PPM1L: variants seen among roughly 807,000 people sequenced by gnomAD.
The protein encoded by PPM1L is protein phosphatase 1L.
In PPM1L, 13 loss-of-function variants were observed where a neutral mutation model predicts 31.4. The ratio of observed to expected loss-of-function variants is 0.41; its 90% CI spans 0.27 to 0.66. PPM1L has a LOEUF of 0.66. PPM1L is among the 30% of genes least tolerant of loss of function. PPM1L has a pLI of 0.29. For synonymous variants in PPM1L, 184 were observed against 175.4 expected (o/e 1.05, Z -0.39); for missense variants, 326 against 453.7 (o/e 0.72, Z 2.56).
At chr3:160,903,193 G>GTGTGTGTGTGTGTGTGTGT (rs1553819620) in intron 1 of PPM1L, among the ~76,000 whole-genome samples, 1 of 124,108 alleles carries the variant, frequency 8.1e-6, no homozygotes, top group Non-Finnish European at 1.8e-5. Flanking sequence ...GTGTGTGTGT[G>GTGTGTGTGTGTGTGTGTGT]GTATGTGTGT....
Position 160,756,671 on chromosome 3 carries a change from G to C in PPM1L, c.363G>C (p.Pro121=), listed in dbSNP as rs775555696. The change falls in exon 1 of 4, where the codon CCG becomes CCC. Residue 121 remains proline (P), a synonymous_variant. Transcript: ENST00000498165. This position sits in a 1 kb window ranked among gnomAD's most constrained non-coding sequence, Gnocchi z 6.2. ...VLTDLANKTH[P]SIFGIFDGHG... ...CGGATCTGGCCAACAAGACGCACCC[G>C]TCCATCTTCGGGATCTTCGACGGGC... The C allele has an allele frequency of 1.9e-6, 3 of 1,613,962 alleles. No homozygotes were observed. Among genetic ancestry groups the C allele is most frequent in the Non-Finnish European group, 2.5e-6 (3 of 1,180,010 alleles).
intron 1 of PPM1L, among the ~76,000 whole-genome samples, chr3:160,831,912 G>A (rs990334365): frequency 6.6e-6 from 1 of 152,188 alleles, no homozygotes; most frequent in Non-Finnish European, 1.5e-5. Context: ...GAGGAATGGT[G>A]CTAGAGCAGG....
At chr3:160,761,566 A>G (rs999022313) in intron 1 of PPM1L, among the ~76,000 whole-genome samples, 3 of 152,140 alleles carry the variant, frequency 2.0e-5, no homozygotes, top group Non-Finnish European at 4.4e-5. Context: ...CGCCTGACCT[A>G]CCTCTAGCAA....
chr3:160,995,179 G>A (rs1464837940), intron 2 of PPM1L, among the ~76,000 whole-genome samples: 1 of 152,118 alleles, frequency 6.6e-6, no homozygotes, highest in Non-Finnish European at 1.5e-5. Context: ...TCTTTGAAGT[G>A]GCTTAGGGAA....
At chr3:161,055,502 G>A (rs1455649307) in intron 2 of PPM1L, among the ~76,000 whole-genome samples, 3 of 152,040 alleles carry the variant, frequency 2.0e-5, no homozygotes, top group Non-Finnish European at 4.4e-5. Context: ...TGTAATTTCT[G>A]TCCGTTATCA....
chr3:160,940,981 A>G (rs1410330552), intron 1 of PPM1L, among the ~76,000 whole-genome samples: 1 of 152,200 alleles, frequency 6.6e-6, no homozygotes, highest in East Asian at 1.9e-4. Flanking sequence ...GGAGCTGCCT[A>G]AGACCATGGG....
intron 2 of PPM1L, among the ~76,000 whole-genome samples, chr3:160,998,956 A>AAAAAG (rs1319469772): frequency 2.0e-5 from 3 of 152,206 alleles, no homozygotes; most frequent in African/African-American, 7.2e-5. Context: ...TCTTAAACAA[A>AAAAAG]AAAAGAAAAG....
At chr3:160,999,924 A>T (rs1242492260) in intron 2 of PPM1L, among the ~76,000 whole-genome samples, 1 of 152,214 alleles carries the variant, frequency 6.6e-6, no homozygotes, top group Non-Finnish European at 1.5e-5. Context: ...TGTGGCGGTT[A>T]TTACGGCTGA....
At chr3:160,799,752 C>CT (rs1228271857) in intron 1 of PPM1L, among the ~76,000 whole-genome samples, 3 of 152,174 alleles carry the variant, frequency 2.0e-5, no homozygotes, top group African/African-American at 7.2e-5. Flanking sequence ...CTTTGGGTCT[C>CT]TACCTGTATG....
At position 160,992,698 on chromosome 3, in the gene PPM1L, A is replaced by G. The variant is rs549536941; in HGVS notation, c.574+30788A>G. 6.2e-4 allele frequency among the ~76,000 whole-genome samples: 95 copies of G among 152,316 alleles called. No homozygotes were observed. In the South Asian group the frequency reaches 0.018, roughly 30 times the overall value. On this transcript the variant is annotated intron_variant, in intron 2 of 3. Coordinates refer to ENST00000498165, the MANE Select transcript of PPM1L (RefSeq NM_139245.4). ...CATAGAAGATGTTCACAGTTTACCAATACAGGGAAAGAAAGGAAGAGACCC... is the reference window on the plus strand; with the variant it reads ...CATAGAAGATGTTCACAGTTTACCAGTACAGGGAAAGAAAGGAAGAGACCC...
intron 1 of PPM1L, chr3:160,939,635 T>C: frequency 6.4e-6 from 1 of 157,120 alleles, no homozygotes; most frequent in Non-Finnish European, 1.4e-5. Context: ...TACTTTTTCC[T>C]CATTTTTCTC....
intron 2 of PPM1L, among the ~76,000 whole-genome samples, chr3:160,977,604 A>G (rs534512777): frequency 7.2e-5 from 11 of 152,306 alleles, no homozygotes; most frequent in South Asian, 4.1e-4. Context: ...GGAAGGAAGT[A>G]ACACAAATTA....
chr3:160,871,802 A>T lies in PPM1L; in HGVS notation c.400-89934A>T, dbSNP rs191305810. Among the ~76,000 whole-genome samples the T allele has an allele frequency of 1.3e-3, 203 of 150,686 alleles. 5 individuals are homozygous for T. Among genetic ancestry groups the T allele is most frequent in the Admixed American group, 0.013 (199 of 15,148 alleles). ...TTTGTATAATATTTAAGAGTATTTT[A>T]CATGTAGGTGTCATTTATAATTTTT... On this transcript the variant is annotated intron_variant, in intron 1 of 3. Transcript: ENST00000498165.
intron 1 of PPM1L, among the ~76,000 whole-genome samples, chr3:160,890,691 C>G (rs1416700045): frequency 6.6e-6 from 1 of 152,088 alleles, no homozygotes; most frequent in African/African-American, 2.4e-5. Flanking sequence ...GCAAAAAGAA[C>G]AACCTGGAGG....
intron 1 of PPM1L, among the ~76,000 whole-genome samples, chr3:160,893,348 A>G (rs73156000): frequency 2.5e-4 from 38 of 152,316 alleles, no homozygotes; most frequent in Non-Finnish European, 5.0e-4. Flanking sequence ...TAAAAGCATC[A>G]TGAATAGTAT....
intron 1 of PPM1L, among the ~76,000 whole-genome samples, chr3:160,849,704 G>A (rs949898807): frequency 1.0e-4 from 15 of 149,460 alleles, no homozygotes; most frequent in African/African-American, 2.7e-4. Flanking sequence ...GACTACAGGC[G>A]CCCGCCACCA....
At chr3:160,788,445 T>G (rs144162474) in intron 1 of PPM1L, among the ~76,000 whole-genome samples, 1 of 152,102 alleles carries the variant, frequency 6.6e-6, no homozygotes, top group Non-Finnish European at 1.5e-5. Flanking sequence ...ATTGCATTGT[T>G]CTTTTTCTGA....
chr3:160,838,218 A>C (rs1713775709), intron 1 of PPM1L, among the ~76,000 whole-genome samples: 1 of 152,178 alleles, frequency 6.6e-6, no homozygotes. Context: ...GGGAATGGCA[A>C]ATTATATCTG....
At chr3:160,776,979 A>G (rs1711575313) in intron 1 of PPM1L, among the ~76,000 whole-genome samples, 1 of 151,960 alleles carries the variant, frequency 6.6e-6, no homozygotes, top group Admixed American at 6.6e-5. Context: ...GATTAATACT[A>G]TGGAGGGTCT....
Sources: allele counts gnomAD v4.1 joint callset (sites outside exome capture counted in the v4.1 genomes callset), GRCh38; gene constraint gnomAD v4.1.1; non-coding constraint Gnocchi (gnomAD v3.1); transcripts MANE v1.5; gene names NCBI Gene and HGNC (gene_info 2026-07-23, HGNC 2026-07-21).